Variants in EDA observed in about 807,000 individuals in gnomAD.
The protein encoded by EDA is ectodysplasin A.
In EDA, 2 loss-of-function variants were observed where a neutral mutation model predicts 23.6. The observed-to-expected ratio is 0.08, with a 90% CI of 0.03 to 0.27. The LOEUF (loss-of-function observed/expected upper bound fraction) is 0.27, where lower values mean the gene tolerates loss of function less well. EDA is among the 10% of genes least tolerant of loss of function. The pLI is 1.00. For missense variants in EDA, 229 were observed against 324.2 expected (o/e 0.71, Z 2.26); for synonymous variants, 131 against 132.0 (o/e 0.99, Z 0.05).
chrX:69,886,740 GA>G (rs754497371), intron 1 of EDA, among the ~76,000 whole-genome samples: 1 of 111,228 alleles, frequency 9.0e-6, no homozygotes, highest in Non-Finnish European at 1.9e-5. Context: ...TAGAGCCCCT[GA>G]TAATAGACCT....
intron 1 of EDA, among the ~76,000 whole-genome samples, chrX:69,763,782 T>G (rs1335604092): frequency 9.0e-6 from 1 of 111,650 alleles, no homozygotes; most frequent in Non-Finnish European, 1.9e-5. Flanking sequence ...GTCTGATACA[T>G]CAGTTAGCGT....
chrX:69,873,309 T>C (rs1260667733), intron 1 of EDA, among the ~76,000 whole-genome samples: 5 of 111,392 alleles, frequency 4.5e-5, no homozygotes, highest in African/African-American at 1.6e-4. Flanking sequence ...AGAATACAAA[T>C]AGACAATCTA....
At chrX:69,816,727 G>A (rs1157569380) in intron 1 of EDA, among the ~76,000 whole-genome samples, 1 of 110,415 alleles carries the variant, frequency 9.1e-6, no homozygotes, top group South Asian at 4.1e-4. Context: ...ATGACTGATT[G>A]GGGTACCTGA....
intron 1 of EDA, among the ~76,000 whole-genome samples, chrX:69,781,276 T>A (rs1270127522): frequency 9.0e-6 from 1 of 111,555 alleles, no homozygotes; most frequent in East Asian, 2.8e-4. Flanking sequence ...GTAGAATTAC[T>A]GGATCATATG....
intron 1 of EDA, among the ~76,000 whole-genome samples, chrX:69,651,589 G>A (rs920300826): frequency 1.8e-5 from 2 of 110,916 alleles, no homozygotes; most frequent in Non-Finnish European, 3.8e-5. Flanking sequence ...ATAAAATGAG[G>A]AGCAAATAGT....
chrX:69,707,733 TGGA>T (rs1434783893), intron 1 of EDA, among the ~76,000 whole-genome samples: 4 of 111,242 alleles, frequency 3.6e-5, no homozygotes, highest in Non-Finnish European at 5.7e-5. Context: ...GAGTTCCACA[TGGA>T]GGAGTTCTAG....
chrX:69,629,239 C>A (rs973112077), intron 1 of EDA, among the ~76,000 whole-genome samples: 1 of 111,726 alleles, frequency 9.0e-6, no homozygotes, highest in Non-Finnish European at 1.9e-5. Flanking sequence ...CCTGTTCCCC[C>A]GAAGAAGAAT....
chrX:69,691,052 T>A (rs1271765740), intron 1 of EDA, among the ~76,000 whole-genome samples: 1 of 111,704 alleles, frequency 9.0e-6, no homozygotes, highest in Non-Finnish European at 1.9e-5. Context: ...TTTGTCAATT[T>A]TGTGGATATT....
intron 1 of EDA, among the ~76,000 whole-genome samples, chrX:69,722,372 AT>A (rs1339266030): frequency 9.2e-6 from 1 of 108,965 alleles, no homozygotes; most frequent in African/African-American, 3.3e-5. Flanking sequence ...CGCCTGGCTC[AT>A]TTTTTTGTAT....
At chrX:69,944,814 G>A (rs1439090484) in intron 1 of EDA, among the ~76,000 whole-genome samples, 2 of 112,126 alleles carry the variant, frequency 1.8e-5, no homozygotes, top group African/African-American at 6.5e-5. Flanking sequence ...AAGCACTTTA[G>A]CCTACAGTAT....
chrX:69,736,470 C>T (rs1046448965), intron 1 of EDA, among the ~76,000 whole-genome samples: 18 of 109,414 alleles, frequency 1.6e-4, no homozygotes, highest in African/African-American at 5.0e-4. Flanking sequence ...GGTGGGATTG[C>T]GGACATGCAC....
intron 1 of EDA, among the ~76,000 whole-genome samples, chrX:69,789,292 C>G (rs1181652673): frequency 8.9e-6 from 1 of 112,201 alleles, no homozygotes; most frequent in Non-Finnish European, 1.9e-5. Flanking sequence ...CGGAGCTGTT[C>G]CTATTCGGCC....
At chrX:69,875,656 GC>G (rs1280246019) in intron 1 of EDA, among the ~76,000 whole-genome samples, 2 of 111,579 alleles carry the variant, frequency 1.8e-5, no homozygotes, top group African/African-American at 6.5e-5. Context: ...TAACTAAAGA[GC>G]TTTTGCATGG....
At position 69,958,517 on chromosome X, in the gene EDA, CA is replaced by C. The variant is rs34031076; in HGVS notation, c.502+1402del. Among the ~76,000 whole-genome samples the C allele has an allele frequency of 7.4e-3, 643 of 87,162 alleles. 3 individuals carry two copies. The highest frequency in any genetic ancestry group is 0.021 in the African/African-American group (506 of 23,694). 75.7% of individuals were successfully genotyped at this position (87,162 alleles called of 115,157 possible). A position where few individuals can be genotyped will look rare whatever the true frequency, so the allele number is the denominator to read the frequency against. ...CAGAACAAGGACCCCATAATAATAC[CA>C]AAAAAAAAAAAAAAAAGAGCCAGAG... On this transcript the variant is annotated intron_variant, in intron 2 of 7. Coordinates refer to ENST00000374552, the MANE Select transcript of EDA (RefSeq NM_001399.5).
chrX:69,788,836 A>C (rs1288815761), intron 1 of EDA, among the ~76,000 whole-genome samples: 1 of 112,933 alleles, frequency 8.9e-6, no homozygotes, highest in Non-Finnish European at 1.9e-5. Context: ...CCAGCTTCCC[A>C]GCTGCTTTGT....
chrX:69,702,581 G>A (rs923693096), intron 1 of EDA, among the ~76,000 whole-genome samples: 1 of 110,001 alleles, frequency 9.1e-6, no homozygotes, highest in African/African-American at 3.3e-5. Flanking sequence ...GGAGGCTTGG[G>A]GGACTAAAGG....
intron 1 of EDA, among the ~76,000 whole-genome samples, chrX:69,802,430 A>G (rs2015714086): frequency 9.0e-6 from 1 of 110,628 alleles, no homozygotes; most frequent in Non-Finnish European, 1.9e-5. Flanking sequence ...ATTGTTGGGC[A>G]AGAAAGGGCA....
At chrX:69,960,808 C>T (rs758930713) in intron 2 of EDA, among the ~76,000 whole-genome samples, 60 of 108,004 alleles carry the variant, frequency 5.6e-4, no homozygotes, top group Admixed American at 1.3e-3. Context: ...GGCAGAAGTT[C>T]GTGACCAGCC....
intron 1 of EDA, among the ~76,000 whole-genome samples, chrX:69,801,127 C>T (rs2015674363): frequency 9.0e-6 from 1 of 111,729 alleles, no homozygotes; most frequent in African/African-American, 3.3e-5. Flanking sequence ...CAAGGCAACA[C>T]TTTTAAAATT....
Sources: gnomAD v4.1 joint callset for allele counts (sites outside exome capture counted in the v4.1 genomes callset) on GRCh38, gnomAD v4.1.1 for gene constraint, MANE v1.5 for transcripts, NCBI Gene and HGNC (gene_info 2026-07-23, HGNC 2026-07-21) for gene names.